AGBL4: variants seen among roughly 807,000 people sequenced by gnomAD.
AGBL4 encodes the protein AGBL carboxypeptidase 4.
A neutral mutation model predicts 66.4 loss-of-function variants in AGBL4; 58 were observed. The observed-to-expected ratio is 0.87, with a 90% CI of 0.71 to 1.09. The LOEUF (loss-of-function observed/expected upper bound fraction) is 1.09. AGBL4 is among the 50% of genes least tolerant of loss of function. AGBL4 has a pLI of 0.00. For synonymous variants in AGBL4, 234 were observed against 222.9 expected (o/e 1.05, Z -0.44); for missense variants, 579 against 631.0 (o/e 0.92, Z 0.88).
intron 1 of AGBL4, among the ~76,000 whole-genome samples, chr1:49,986,163 C>A (rs1339906600): frequency 1.3e-5 from 2 of 151,978 alleles, no homozygotes; most frequent in Admixed American, 1.3e-4. Flanking sequence ...ATAACAATCA[C>A]CCACATCAAG....
intron 1 of AGBL4, among the ~76,000 whole-genome samples, chr1:49,972,836 G>A (rs1201054336): frequency 6.6e-6 from 1 of 152,176 alleles, no homozygotes; most frequent in Non-Finnish European, 1.5e-5. Context: ...ATCCACTGGG[G>A]ATCTTAGAAC....
At chr1:49,201,707 TG>T (rs1027575243) in intron 4 of AGBL4, among the ~76,000 whole-genome samples, 2 of 152,204 alleles carry the variant, frequency 1.3e-5, no homozygotes, top group African/African-American at 4.8e-5. Flanking sequence ...CAAATAAATT[TG>T]TTTGAAATTT....
chr1:48,881,515 T>A (rs746367672), intron 5 of AGBL4, among the ~76,000 whole-genome samples: 1 of 152,170 alleles, frequency 6.6e-6, no homozygotes, highest in Non-Finnish European at 1.5e-5. Context: ...GAATATCCAC[T>A]TGGGCCTGAA....
At chr1:49,238,369 A>G (rs1650952299) in intron 4 of AGBL4, among the ~76,000 whole-genome samples, 1 of 152,108 alleles carries the variant, frequency 6.6e-6, no homozygotes. Context: ...TTTTCTTTTA[A>G]GACTGTTCTT....
At chr1:49,113,098 C>T (rs1366280298) in intron 4 of AGBL4, among the ~76,000 whole-genome samples, 1 of 149,016 alleles carries the variant, frequency 6.7e-6, no homozygotes, top group Non-Finnish European at 1.5e-5. Context: ...CTACAGGCGC[C>T]TGCCACCACG....
chr1:49,730,659 A>G (rs1054432833), intron 2 of AGBL4, among the ~76,000 whole-genome samples: 1 of 152,154 alleles, frequency 6.6e-6, no homozygotes, highest in African/African-American at 2.4e-5. Flanking sequence ...AGCCAGTTGC[A>G]GCATGCTTGA....
chr1:49,375,838 G>A (rs190500839), intron 3 of AGBL4, among the ~76,000 whole-genome samples: 8 of 152,148 alleles, frequency 5.3e-5, no homozygotes, highest in East Asian at 1.9e-4. Flanking sequence ...GCTATTTCAC[G>A]CAAGGCCTTC....
chr1:48,975,858 C>G (rs1330350494), intron 5 of AGBL4, among the ~76,000 whole-genome samples: 1 of 152,120 alleles, frequency 6.6e-6, no homozygotes, highest in Non-Finnish European at 1.5e-5. Context: ...GCATGGCACG[C>G]TGGTATCAAT....
intron 3 of AGBL4, among the ~76,000 whole-genome samples, chr1:49,322,006 GT>G (rs1397154832): frequency 6.6e-6 from 1 of 152,208 alleles, no homozygotes; most frequent in Admixed American, 6.5e-5. Flanking sequence ...TGGGCCCTGA[GT>G]AAATTTTTAG....
intron 3 of AGBL4, among the ~76,000 whole-genome samples, chr1:49,640,751 T>G (rs12070579): frequency 0.037 from 5,575 of 152,192 alleles, 366 homozygotes; most frequent in African/African-American, 0.13. Context: ...AATGAGAACA[T>G]TTACTTATAC....
intron 4 of AGBL4, among the ~76,000 whole-genome samples, chr1:49,086,629 G>C (rs780120818): frequency 6.6e-6 from 1 of 151,858 alleles, no homozygotes; most frequent in Non-Finnish European, 1.5e-5. Context: ...GCCAAGGGGC[G>C]CAGGCTCCCA....
At chr1:49,877,571 T>A (rs1466531563) in intron 1 of AGBL4, among the ~76,000 whole-genome samples, 1 of 152,060 alleles carries the variant, frequency 6.6e-6, no homozygotes, top group Non-Finnish European at 1.5e-5. Context: ...CAGTATTTTA[T>A]TGAGGATTTT....
intron 3 of AGBL4, among the ~76,000 whole-genome samples, chr1:49,385,187 G>A (rs1425028903): frequency 2.6e-5 from 4 of 152,188 alleles, no homozygotes; most frequent in African/African-American, 7.2e-5. Context: ...ATAGAGCTGC[G>A]TTTTTCAAGA....
At chr1:49,325,087 A>G (rs1188680866) in intron 3 of AGBL4, among the ~76,000 whole-genome samples, 3 of 152,162 alleles carry the variant, frequency 2.0e-5, no homozygotes, top group African/African-American at 2.4e-5. Context: ...CAGTGGCACA[A>G]TCTTGGCTCA....
At chr1:49,330,654 A>G (rs1374858458) in intron 3 of AGBL4, among the ~76,000 whole-genome samples, 1 of 152,220 alleles carries the variant, frequency 6.6e-6, no homozygotes, top group East Asian at 1.9e-4. Context: ...ATGAAAATTC[A>G]AAGGTATCTT....
At chr1:49,651,362 G>A (rs192755795) in intron 3 of AGBL4, among the ~76,000 whole-genome samples, 36 of 152,152 alleles carry the variant, frequency 2.4e-4, no homozygotes, top group Non-Finnish European at 5.0e-4. Context: ...TTATCAGGCT[G>A]TGAAAGAAGG....
chr1:49,718,319 G>T (rs1001328668), intron 2 of AGBL4, among the ~76,000 whole-genome samples: 1 of 152,000 alleles, frequency 6.6e-6, no homozygotes, highest in Non-Finnish European at 1.5e-5. Context: ...CATATGATGT[G>T]CTGGCTTCCC....
chr1:49,466,279 A>G (rs1045070096), intron 3 of AGBL4, among the ~76,000 whole-genome samples: 4 of 151,932 alleles, frequency 2.6e-5, no homozygotes, highest in African/African-American at 9.7e-5. Flanking sequence ...ACTACCATTC[A>G]TAGGCAGTAC....
chr1:49,614,097 T>G (rs1441045198), intron 3 of AGBL4, among the ~76,000 whole-genome samples: 1 of 152,154 alleles, frequency 6.6e-6, no homozygotes, highest in Non-Finnish European at 1.5e-5. Flanking sequence ...TGCATAAAAT[T>G]GCACGAATTA....
Sources: gnomAD v4.1 joint callset for allele counts (sites outside exome capture counted in the v4.1 genomes callset) on GRCh38, gnomAD v4.1.1 for gene constraint, MANE v1.5 for transcripts, NCBI Gene and HGNC (gene_info 2026-07-23, HGNC 2026-07-21) for gene names.